The following C11orf52 variants were observed in gnomAD, a reference collection of about 807,000 sequenced individuals.
C11orf52 encodes uncharacterized protein C11orf52.
C11orf52 carries 9 observed loss-of-function variants against 11.7 expected under a neutral mutation model. The observed-to-expected ratio is 0.77, with a 90% confidence interval of 0.46 to 1.34. The LOEUF is 1.34. Ranked by LOEUF, C11orf52 falls within the 40% of genes most tolerant of loss-of-function variation. The probability of loss-of-function intolerance (pLI) is 0.00; values close to 1 mark genes in which losing one functional copy is unlikely to be tolerated. For missense variants in C11orf52, 139 were observed against 154.8 expected, an observed-to-expected ratio of 0.90 and a Z score of 0.54; for synonymous variants, 49 against 57.4, an observed-to-expected ratio of 0.85 and a Z score of 0.66.
rs887950322 is a variant in C11orf52 at position 111,926,640 on chromosome 11, G to C, written c.*441G>C. 3 of 194,320 alleles carry C rather than the reference G, an allele frequency of 1.5e-5. No homozygotes were observed. Among genetic ancestry groups the C allele is most frequent in the Admixed American group, 5.3e-5 (1 of 18,802 alleles). 12.0% of individuals were successfully genotyped at this position (194,320 alleles called of 1,614,324 possible). ...GAGGTGCTCCGGAAAAGCATTCTGA[G>C]CTTTTACATTCAGACACTAGGGCTG... On this transcript the variant is annotated 3_prime_UTR_variant, in exon 4 of 4. Coordinates refer to ENST00000278601, the MANE Select transcript of C11orf52 (RefSeq NM_080659.3).
intron 2 of C11orf52, among the ~76,000 whole-genome samples, chr11:111,925,426 G>C (rs972143125): frequency 1.3e-5 from 2 of 152,118 alleles, no homozygotes; most frequent in Admixed American, 6.5e-5. Flanking sequence ...TTAGGGGCTA[G>C]TGAAAAATGA....
Position 111,919,022 on chromosome 11 carries a change from G to T in C11orf52, c.32+18G>T. The T allele has an allele frequency of 6.2e-7, 1 of 1,614,090 alleles. No individual in the cohort carries two copies. The highest frequency in any genetic ancestry group is 8.5e-7 in the Non-Finnish European group (1 of 1,179,970). ...GGAAGCTGGTGAGTAGGCTGGAAGG[G>T]CAAAGGGGAACATCTATCTCTGTTG... On this transcript the variant is annotated intron_variant, in intron 1 of 3. Transcript: ENST00000278601.
At chr11:111,925,628 C>T (rs2137405895) in intron 2 of C11orf52, 25 bp from the exon 3 acceptor site, 2 of 1,612,040 alleles carry the variant, frequency 1.2e-6, no homozygotes, top group South Asian at 1.1e-5. Context: ...AGAGAATAAA[C>T]TTAAGTTGGA....
intron 1 of C11orf52, among the ~76,000 whole-genome samples, chr11:111,919,934 G>T (rs1397582421): frequency 6.6e-6 from 1 of 152,136 alleles, no homozygotes; most frequent in East Asian, 1.9e-4. Context: ...GGTGGCTCAC[G>T]CCTGTAATCC....
intron 2 of C11orf52, 105 bp downstream of exon 2, chr11:111,924,468 T>C (rs1209669107): frequency 3.0e-6 from 3 of 1,009,002 alleles, no homozygotes; most frequent in Admixed American, 2.0e-5. Flanking sequence ...AATGAAAGGA[T>C]AAAGGGAGAC....
At position 111,926,734 on chromosome 11, in the gene C11orf52, G is replaced by A. The variant is rs1395737814; in HGVS notation, c.*535G>A. On this transcript the variant is annotated 3_prime_UTR_variant, in exon 4 of 4. Transcript: ENST00000278601. ...AACAGACAAATGGGGGAAGGGGGCT[G>A]AGGCGTGGAGGAAACGCTTTCAGGA... 1 of 161,228 alleles carries A rather than the reference G, an allele frequency of 6.2e-6. No homozygotes were observed. Among genetic ancestry groups the A allele is most frequent in the East Asian group, 1.8e-4 (1 of 5,526 alleles). 10.0% of individuals were successfully genotyped at this position (161,228 alleles called of 1,614,324 possible).
intron 1 of C11orf52, among the ~76,000 whole-genome samples, chr11:111,920,459 G>A: frequency 6.6e-6 from 1 of 151,954 alleles, no homozygotes; most frequent in Non-Finnish European, 1.5e-5. Context: ...AATCCCTTAA[G>A]CTTGGGAGAC....
intron 1 of C11orf52, among the ~76,000 whole-genome samples, chr11:111,921,879 A>G (rs975668379): frequency 1.3e-5 from 2 of 151,654 alleles, no homozygotes; most frequent in African/African-American, 4.8e-5. Context: ...ATCTCCCAGT[A>G]TGGAGTGCAG....
intron 2 of C11orf52, among the ~76,000 whole-genome samples, chr11:111,924,594 A>G (rs35964014): frequency 0.048 from 7,231 of 152,226 alleles, 248 homozygotes; most frequent in Non-Finnish European, 0.071. Flanking sequence ...TCATTCATCT[A>G]GCAAATATTT....
chr11:111,925,888 C>A, intron 3 of C11orf52, 72 bp from the exon 4 acceptor site: 1 of 1,600,116 alleles, frequency 6.2e-7, no homozygotes, highest in Non-Finnish European at 8.5e-7. Context: ...CATCAGTTGA[C>A]CTGCCCCTGC....
chr11:111,919,291 G>C (rs587641964), intron 1 of C11orf52: 12 of 382,156 alleles, frequency 3.1e-5, no homozygotes, highest in African/African-American at 2.2e-4. Flanking sequence ...TAGCCAACAT[G>C]GTGAAACCCC....
chr11:111,919,123 C>T, intron 1 of C11orf52, 119 bp downstream of exon 1: 2 of 1,087,488 alleles, frequency 1.8e-6, no homozygotes, highest in Non-Finnish European at 2.7e-6. Context: ...CCTTCCTCTG[C>T]CTGGTACCTC....
chr11:111,925,614 G>A, intron 2 of C11orf52, 39 bp from the exon 3 acceptor site: 4 of 1,599,902 alleles, frequency 2.5e-6, no homozygotes, highest in Non-Finnish European at 3.4e-6. Flanking sequence ...TAGAGACAGG[G>A]AAGAGAGAAT....
intron 1 of C11orf52, chr11:111,919,341 C>A: frequency 3.9e-6 from 1 of 256,546 alleles, no homozygotes; most frequent in South Asian, 5.2e-5. Flanking sequence ...GGCATGGTGG[C>A]GCGCACCTGT....
chr11:111,925,942 G>GCTATC lies in C11orf52; in HGVS notation c.133-16_133-12dup, dbSNP rs782714958. ...AACCAAGCCATGAATCTCCCTTAAT[G>GCTATC]CTATCCATTCCTCGCAGGGCCATGA... On this transcript the variant is annotated splice_polypyrimidine_tract_variant and intron_variant, in intron 3 of 3. Transcript: ENST00000278601. 8 of 1,613,980 alleles carry GCTATC rather than the reference G, an allele frequency of 5.0e-6. No homozygotes were observed. Among genetic ancestry groups the GCTATC allele is most frequent in the Non-Finnish European group, 6.8e-6 (8 of 1,179,998 alleles).
rs1294894868 is a variant in C11orf52 at position 111,926,379 on chromosome 11, T to A, written c.*180T>A. The A allele has an allele frequency of 1.1e-6, 1 of 886,278 alleles. No individual in the cohort carries two copies. Among genetic ancestry groups the A allele is most frequent in the Non-Finnish European group, 1.7e-6 (1 of 595,990 alleles). 54.9% of individuals were successfully genotyped at this position (886,278 alleles called of 1,614,324 possible). On this transcript the variant is annotated 3_prime_UTR_variant, in exon 4 of 4. Transcript: ENST00000278601. ...CCCCTGGCCTCTTACTTGCCACTGT[T>A]AGGTTGGAGTTAATAGTTGGTTTAG...
At chr11:111,922,173 G>A (rs1289525153) in intron 1 of C11orf52, among the ~76,000 whole-genome samples, 1 of 152,170 alleles carries the variant, frequency 6.6e-6, no homozygotes, top group Non-Finnish European at 1.5e-5. Context: ...GAAGCCCAGA[G>A]AAGTTAAAAA....
At chr11:111,921,023 C>G (rs1307135913) in intron 1 of C11orf52, among the ~76,000 whole-genome samples, 1 of 152,022 alleles carries the variant, frequency 6.6e-6, no homozygotes, top group Non-Finnish European at 1.5e-5. Context: ...CTATTCTTTC[C>G]CAGAATTTTC....
At chr11:111,920,017 A>G (rs1306093629) in intron 1 of C11orf52, among the ~76,000 whole-genome samples, 5 of 151,824 alleles carry the variant, frequency 3.3e-5, no homozygotes, top group South Asian at 2.1e-4. Flanking sequence ...AACACGGTGA[A>G]ACCCCATCTC....
Sources: allele counts gnomAD v4.1 joint callset (sites outside exome capture counted in the v4.1 genomes callset), GRCh38; gene constraint gnomAD v4.1.1; transcripts MANE v1.5; gene names NCBI Gene and HGNC (gene_info 2026-07-23, HGNC 2026-07-21).